The following SLC25A48 variants were observed in gnomAD, a reference collection of about 807,000 sequenced individuals.
The protein encoded by SLC25A48 is solute carrier family 25 member 48, also known as CTC-321K16.1.
A neutral mutation model predicts 32.2 loss-of-function variants in SLC25A48; 29 were observed. That is an observed-to-expected ratio of 0.90 (90% CI 0.67 to 1.23). The LOEUF is 1.23. SLC25A48 is among the 50% of genes most tolerant of loss of function. The pLI is 0.00. For missense variants in SLC25A48, 399 were observed against 422.7 expected (o/e 0.94, Z 0.49); for synonymous variants, 164 against 172.3 (o/e 0.95, Z 0.38).
At chr5:135,874,856 C>A in intron 6 of SLC25A48, 1 of 495,794 alleles carries the variant, frequency 2.0e-6, no homozygotes, top group East Asian at 3.5e-5. Context: ...CTGGCTCTTG[C>A]TTGCACGGGC....
At chr5:135,816,229 C>A (rs955503768) in intron 4 of SLC25A48, among the ~76,000 whole-genome samples, 2 of 152,132 alleles carry the variant, frequency 1.3e-5, no homozygotes, top group African/African-American at 4.8e-5. Context: ...GTGGGGATTA[C>A]AATTGGAGAT....
At chr5:135,842,291 AC>A (rs1355347417) in intron 1 of SLC25A48, 124 bp from the exon 2 acceptor site, 13 of 954,174 alleles carry the variant, frequency 1.4e-5, no homozygotes, top group Non-Finnish European at 1.7e-6. Flanking sequence ...ATTGGAGCCC[AC>A]CCACTCCCCC....
intron 3 of SLC25A48, among the ~76,000 whole-genome samples, chr5:135,697,182 C>T (rs575589740): frequency 2.0e-4 from 31 of 152,288 alleles, no homozygotes; most frequent in Middle Eastern, 3.4e-3. Flanking sequence ...GAATGTGTCT[C>T]TTTTAAGAGA....
At chr5:135,812,102 C>T (rs10050864) in intron 3 of SLC25A48, among the ~76,000 whole-genome samples, 43,204 of 151,792 alleles carry the variant, frequency 0.28, 6,466 homozygotes, top group East Asian at 0.44. Flanking sequence ...AATAAATAAA[C>T]AAATAAATAT....
rs1405772460 is a variant in SLC25A48, at chr5:135,710,146, G to A, written c.-521+75190G>A. 2.6e-5 allele frequency among the ~76,000 whole-genome samples: 4 copies of A among 152,226 alleles called. 1 individual carries two copies. Among genetic ancestry groups the A allele is most frequent in the Non-Finnish European group, 2.9e-5 (2 of 68,042 alleles). On this transcript the variant is annotated intron_variant, in intron 3 of 10. Coordinates refer to the SLC25A48 transcript ENST00000646290. ...GCCCCAAGTGTGTCACTGCTGCCTT[G>A]GTTGGAGCTGGTAAATGCAGAGAGG...
intron 3 of SLC25A48, among the ~76,000 whole-genome samples, chr5:135,792,917 G>C (rs76544280): frequency 6.6e-6 from 1 of 150,782 alleles, no homozygotes; most frequent in Non-Finnish European, 1.5e-5. Flanking sequence ...GATATGGTTC[G>C]TAATATCCTG....
intron 5 of SLC25A48, 130 bp from the exon 6 acceptor site, chr5:135,873,891 A>G: frequency 9.9e-7 from 1 of 1,008,552 alleles, no homozygotes. Flanking sequence ...CAAACTTTGC[A>G]GGTTCTAAGC....
At chr5:135,639,295 C>T in intron 3 of SLC25A48, among the ~76,000 whole-genome samples, 1 of 152,198 alleles carries the variant, frequency 6.6e-6, no homozygotes, top group Admixed American at 6.5e-5. Flanking sequence ...ACAATGAAAA[C>T]TTTCAGTCTC....
intron 3 of SLC25A48, among the ~76,000 whole-genome samples, chr5:135,664,831 G>A (rs1753484315): frequency 6.6e-6 from 1 of 152,150 alleles, no homozygotes; most frequent in Non-Finnish European, 1.5e-5. Context: ...TGGTCGATGG[G>A]TGCTTAGGTT....
chr5:135,667,892 C>T (rs547139067), intron 3 of SLC25A48, among the ~76,000 whole-genome samples: 15 of 152,330 alleles, frequency 9.8e-5, no homozygotes, highest in Admixed American at 3.3e-4. Context: ...AACATTGCAT[C>T]ACTTCCTGCT....
intron 3 of SLC25A48, among the ~76,000 whole-genome samples, chr5:135,684,794 GA>G (rs1398347836): frequency 1.3e-5 from 2 of 152,210 alleles, no homozygotes; most frequent in African/African-American, 4.8e-5. Flanking sequence ...AATGGCTGCA[GA>G]GTGTTCCATT....
In SLC25A48 at chr5:135,888,172, G is replaced by A. The variant is rs1274030929; in HGVS notation, c.*148G>A. On this transcript the variant is annotated 3_prime_UTR_variant, in exon 8 of 8. Transcript: ENST00000681962. The stretch of plus-strand genomic sequence containing the variant: ...GGGCTAGGATGGTGCAGACACTGAC[G>A]TGGCCCTTCTGATGCCTGGGATGCC... 35 of 1,347,032 alleles carry A rather than the reference G, an allele frequency of 2.6e-5. No homozygotes were observed. The highest frequency in any genetic ancestry group is 4.1e-5 in the Admixed American group (2 of 49,198). 83.4% of individuals were successfully genotyped at this position (1,347,032 alleles called of 1,614,324 possible). A position where few individuals can be genotyped will look rare whatever the true frequency, so the allele number is the denominator to read the frequency against.
At chr5:135,817,606 C>T (rs1757756631) in intron 4 of SLC25A48, among the ~76,000 whole-genome samples, 1 of 152,122 alleles carries the variant, frequency 6.6e-6, no homozygotes, top group Non-Finnish European at 1.5e-5. Context: ...AAGAAATGTT[C>T]ACAATCTTAT....
chr5:135,635,884 C>T (rs747535747), intron 3 of SLC25A48, among the ~76,000 whole-genome samples: 8 of 152,296 alleles, frequency 5.3e-5, no homozygotes, highest in Middle Eastern at 3.4e-3. Flanking sequence ...TTCTGTCTGA[C>T]GTCTGTCAGA....
At chr5:135,868,739 A>T (rs1052163139) in intron 4 of SLC25A48, among the ~76,000 whole-genome samples, 1 of 152,154 alleles carries the variant, frequency 6.6e-6, no homozygotes, top group Non-Finnish European at 1.5e-5. Context: ...AAGAAGAAAA[A>T]GGATAAGTTT....
At chr5:135,582,017 A>G (rs1334479528) in intron 1 of SLC25A48, among the ~76,000 whole-genome samples, 1 of 152,198 alleles carries the variant, frequency 6.6e-6, no homozygotes, top group Non-Finnish European at 1.5e-5. Context: ...CCTGGGGTAC[A>G]GTGAAGGACA....
chr5:135,792,531 T>G (rs1193100663), intron 3 of SLC25A48, among the ~76,000 whole-genome samples: 1 of 151,812 alleles, frequency 6.6e-6, no homozygotes, highest in Non-Finnish European at 1.5e-5. Context: ...GTAACCATTA[T>G]GTGTATACAC....
At chr5:135,681,916 A>G (rs1020445332) in intron 3 of SLC25A48, among the ~76,000 whole-genome samples, 1 of 152,048 alleles carries the variant, frequency 6.6e-6, no homozygotes, top group African/African-American at 2.4e-5. Flanking sequence ...GCTCTACATG[A>G]TGATTGATGA....
intron 3 of SLC25A48, among the ~76,000 whole-genome samples, chr5:135,686,793 C>T (rs1489370314): frequency 7.2e-5 from 11 of 151,982 alleles, no homozygotes; most frequent in South Asian, 2.1e-4. Flanking sequence ...AAAGGATAGA[C>T]AGATATAAGT....
Sources: gnomAD v4.1 joint callset for allele counts (sites outside exome capture counted in the v4.1 genomes callset) on GRCh38, gnomAD v4.1.1 for gene constraint, MANE v1.5 for transcripts, NCBI Gene and HGNC (gene_info 2026-07-23, HGNC 2026-07-21) for gene names.